Variants in P2RX4 observed in about 807,000 individuals in gnomAD.
P2RX4 encodes purinergic receptor P2X 4.
A neutral mutation model predicts 48.0 loss-of-function variants in P2RX4; 37 were observed. The observed-to-expected ratio is 0.77, with a 90% confidence interval of 0.59 to 1.01. P2RX4 has a LOEUF of 1.01. Ranked by LOEUF, P2RX4 falls within the 50% of genes least tolerant of loss-of-function variation. The pLI is 0.00. For synonymous variants in P2RX4, 200 were observed against 199.7 expected (o/e 1.00, Z -0.01); for missense variants, 501 against 521.4 (o/e 0.96, Z 0.38).
chr12:121,224,801 GC>G (rs1008579909), intron 5 of P2RX4, among the ~76,000 whole-genome samples: 1 of 151,734 alleles, frequency 6.6e-6, no homozygotes, highest in African/African-American at 2.4e-5. Flanking sequence ...GTCTCCATGA[GC>G]CCCGGGGAGC....
intron 4 of P2RX4, chr12:121,222,367 T>G: frequency 1.8e-6 from 1 of 569,126 alleles, no homozygotes; most frequent in Non-Finnish European, 3.1e-6. Context: ...CCCTACTGTT[T>G]TTTTTTTTGT....
chr12:121,228,694 G>A (rs1258357811), intron 6 of P2RX4, 31 bp from the exon 7 acceptor site: 3 of 1,613,576 alleles, frequency 1.9e-6, no homozygotes, highest in East Asian at 2.2e-5. Context: ...GGTTTTCGTC[G>A]CTCTGATTTT....
At chr12:121,221,629 G>C (rs558849164) in intron 2 of P2RX4, among the ~76,000 whole-genome samples, 15 of 151,902 alleles carry the variant, frequency 9.9e-5, no homozygotes, top group African/African-American at 3.4e-4. Flanking sequence ...TCCTGACCTC[G>C]TGATCCGCCC....
At chr12:121,228,668 C>T (rs906951893) in intron 6 of P2RX4, 55 bp downstream of exon 6, 2 of 1,612,618 alleles carry the variant, frequency 1.2e-6, no homozygotes, top group African/African-American at 2.7e-5. Context: ...ACTTCTGGCT[C>T]TTCTCTCTTC....
At chr12:121,223,687 T>C (rs1026762505) in intron 5 of P2RX4, among the ~76,000 whole-genome samples, 3 of 152,194 alleles carry the variant, frequency 2.0e-5, no homozygotes, top group Non-Finnish European at 4.4e-5. Flanking sequence ...CACAAACACA[T>C]ACACACATAC....
At chr12:121,210,343 C>T (rs1885742266) in intron 1 of P2RX4, 45 bp downstream of exon 1, 6 of 1,425,816 alleles carry the variant, frequency 4.2e-6, no homozygotes, top group South Asian at 1.5e-5. Context: ...GCTGCCCTCG[C>T]GTCCGCGCCG....
Position 121,210,268 on chromosome 12 carries a change from T to G in P2RX4, c.104T>G (p.Val35Gly), listed in dbSNP as rs898227448. The change falls in exon 1 of 12, where the codon GTG becomes GGG. Residue 35 changes from valine to glycine, a missense_variant. Val to Gly is a moderately radical substitution (Grantham distance 109). Transcript: ENST00000337233. ...SRKVGLMNRA[V>G]QLLILAYVIG... ...AAAGTGGGGCTCATGAACCGCGCCG[T>G]GCAACTGCTCATCCTGGCCTACGTC... The G allele has an allele frequency of 1.9e-6, 3 of 1,556,294 alleles. No homozygotes were observed. Among genetic ancestry groups the G allele is most frequent in the Non-Finnish European group, 2.6e-6 (3 of 1,155,918 alleles).
intron 1 of P2RX4, among the ~76,000 whole-genome samples, chr12:121,210,795 G>A (rs547422000): frequency 6.6e-6 from 1 of 152,252 alleles, no homozygotes; most frequent in Non-Finnish European, 1.5e-5. Flanking sequence ...AATAAATAAA[G>A]GCAAAGCCTG....
intron 2 of P2RX4, 38 bp downstream of exon 2, chr12:121,217,319 C>A (rs1886295241): frequency 6.2e-7 from 1 of 1,601,666 alleles, no homozygotes; most frequent in South Asian, 1.1e-5. Flanking sequence ...AACACTGACA[C>A]CTTGCTCTTT....
chr12:121,232,646 C>CATCG lies in P2RX4; in HGVS notation c.1015_1018dup (p.Gly340AspfsTer16). On this transcript the variant is annotated frameshift_variant, in exon 10 of 12. Transcript: ENST00000337233. LOFTEE classifies it high-confidence loss of function. This position sits in a 1 kb window ranked among gnomAD's most constrained non-coding sequence, Gnocchi z 4.3. Reference sequence around the variant, plus strand: ...TTGACATCATCCCCACTATGATCAACATCGGCTCTGGCCTGGCACTGCTAG... The same window carrying CATCG: ...TTGACATCATCCCCACTATGATCAACATCGATCGGCTCTGGCCTGGCACTGCTAG... 1 of 1,614,082 alleles carries CATCG rather than the reference C, an allele frequency of 6.2e-7. No individual in the cohort carries two copies. The highest frequency in any genetic ancestry group is 8.5e-7 in the Non-Finnish European group (1 of 1,179,924).
At chr12:121,216,300 A>G (rs1886224434) in intron 1 of P2RX4, 2 of 152,646 alleles carry the variant, frequency 1.3e-5, no homozygotes, top group African/African-American at 4.8e-5. Flanking sequence ...TCTGCCACTC[A>G]CTAGCTGTGT....
intron 1 of P2RX4, among the ~76,000 whole-genome samples, chr12:121,211,255 T>G (rs758232356): frequency 1.1e-4 from 16 of 152,106 alleles, no homozygotes; most frequent in Non-Finnish European, 1.9e-4. Context: ...CGGGCTGGAG[T>G]GCAATGGCAC....
chr12:121,224,224 A>G (rs148950305), intron 5 of P2RX4, among the ~76,000 whole-genome samples: 108 of 152,256 alleles, frequency 7.1e-4, no homozygotes, highest in African/African-American at 2.3e-3. Context: ...CTTCCAAAGG[A>G]CATTTGGGGT....
At chr12:121,223,137 G>C (rs537830980) in intron 5 of P2RX4, 94 bp downstream of exon 5, 169 of 786,632 alleles carry the variant, frequency 2.1e-4, no homozygotes, top group African/African-American at 1.5e-3. Flanking sequence ...GCAGTGGTGC[G>C]ATCTTGGCTC....
intron 1 of P2RX4, chr12:121,213,970 C>T (rs1258577002): frequency 6.6e-6 from 1 of 152,054 alleles, no homozygotes; most frequent in Non-Finnish European, 1.5e-5. Context: ...GAGGCTGAGG[C>T]AAGTGGATCC....
intron 1 of P2RX4, chr12:121,213,345 T>G (rs1886014075): frequency 6.6e-6 from 1 of 152,106 alleles, no homozygotes. Context: ...GAAGGACTGC[T>G]TGAACCTGGG....
chr12:121,227,621 A>T (rs963059030), intron 5 of P2RX4, among the ~76,000 whole-genome samples: 3 of 152,060 alleles, frequency 2.0e-5, no homozygotes, highest in African/African-American at 7.2e-5. Context: ...TTCAGTTTTC[A>T]CCGCCTTGGG....
At chr12:121,211,286 T>C (rs1190518201) in intron 1 of P2RX4, among the ~76,000 whole-genome samples, 2 of 152,176 alleles carry the variant, frequency 1.3e-5, no homozygotes, top group Non-Finnish European at 2.9e-5. Context: ...CACTGCAACC[T>C]CTGCCTCCCG....
At chr12:121,217,729 C>T (rs1433660439) in intron 2 of P2RX4, among the ~76,000 whole-genome samples, 2 of 143,682 alleles carry the variant, frequency 1.4e-5, no homozygotes, top group Non-Finnish European at 3.0e-5. Flanking sequence ...AGTTTGAGAC[C>T]AGCCTGGGCA....
Sources: gnomAD v4.1 joint callset for allele counts (sites outside exome capture counted in the v4.1 genomes callset) on GRCh38, gnomAD v4.1.1 for gene constraint, Gnocchi (gnomAD v3.1) non-coding constraint, MANE v1.5 for transcripts, NCBI Gene and HGNC (gene_info 2026-07-23, HGNC 2026-07-21) for gene names.